IGFL3: variants seen among roughly 807,000 people sequenced by gnomAD.
IGFL3 encodes insulin growth factor-like family member 3.
A neutral mutation model predicts 17.0 loss-of-function variants in IGFL3; 12 were observed. The ratio of observed to expected loss-of-function variants is 0.71; its 90% confidence interval spans 0.45 to 1.14. IGFL3 has a LOEUF of 1.14. IGFL3 is among the 50% of genes most tolerant of loss of function. The pLI is 0.00. For synonymous variants in IGFL3, 52 were observed against 57.4 expected (o/e 0.91, Z 0.42); for missense variants, 153 against 151.6 (o/e 1.01, Z -0.05).
rs552018028 is a variant in IGFL3, at chr19:46,124,378, AAAAC to A, written c.26-61_26-58del. The A allele has an allele frequency of 3.6e-4, 549 of 1,524,648 alleles. 9 individuals are homozygous for A. Among genetic ancestry groups the A allele is most frequent in the Middle Eastern group, 8.5e-4 (5 of 5,854 alleles). 94.4% of individuals were successfully genotyped at this position (1,524,648 alleles called of 1,614,324 possible). The stretch of plus-strand genomic sequence containing the variant: ...AGCTGAGAATGTGACAAGTATGGAA[AAAAC>A]AAACAAACAAACAAACAGAGGTTAG... On this transcript the variant is annotated intron_variant, in intron 1 of 3. Transcript: ENST00000341415.
In IGFL3 at chr19:46,120,345, G is replaced by A. The variant is rs760606882; in HGVS notation, c.363C>T (p.His121=). Residue 121 remains histidine (H), a synonymous_variant, in exon 4 of 4, where the codon CAC becomes CAT. Coordinates refer to ENST00000341415, the MANE Select transcript of IGFL3 (RefSeq NM_207393.2). ...ISRSCTRNRR[H]VLYP is the part of the protein sequence containing the mutation. ...CCTGGGGTTTTTATGGGTACAGGAC[G>A]TGCCTCCTGTTCCTATCACAGTGCC... The A allele has an allele frequency of 1.8e-5, 29 of 1,611,026 alleles. No individual in the cohort carries two copies. The highest frequency in any genetic ancestry group is 2.3e-5 in the East Asian group (1 of 44,408).
At chr19:46,121,273 A>G (rs1316225292) in intron 3 of IGFL3, among the ~76,000 whole-genome samples, 1 of 149,916 alleles carries the variant, frequency 6.7e-6, no homozygotes, top group East Asian at 2.0e-4. Context: ...ATGTAGTCCC[A>G]GCTACTCAGG....
At chr19:46,120,432 T>C (rs946643402) in intron 3 of IGFL3, 75 bp from the exon 4 acceptor site, 1 of 1,596,126 alleles carries the variant, frequency 6.3e-7, no homozygotes, top group African/African-American at 1.4e-5. Context: ...ACAAAAGCAA[T>C]TTTAACAAAC....
chr19:46,122,426 A>G (rs1324222023), intron 3 of IGFL3, among the ~76,000 whole-genome samples: 1 of 151,152 alleles, frequency 6.6e-6, no homozygotes, highest in Non-Finnish European at 1.5e-5. Flanking sequence ...TGGAACAAAT[A>G]GGTGAAGTCA....
chr19:46,123,987 A>G lies in IGFL3; in HGVS notation c.249T>C (p.Cys83=). ...TCTGCTGGGGGCCAAAAGACTCGGG[A>G]CAGCAGAGCTCAAAGCAGGGCCAGA... is the stretch of plus-strand genomic sequence containing the variant. The part of the protein sequence containing the change: ...CTFWPCFELC[C]PESFGPQQKF... The change falls in exon 3 of 4, where the codon TGT becomes TGC. Residue 83 remains cysteine, a synonymous_variant. Coordinates refer to ENST00000341415, the MANE Select transcript of IGFL3 (RefSeq NM_207393.2). 6.2e-7 allele frequency: 1 copy of G among 1,611,590 alleles called. No individual in the cohort carries two copies. Among genetic ancestry groups the G allele is most frequent in the Non-Finnish European group, 8.5e-7 (1 of 1,179,680 alleles).
chr19:46,122,576 T>C (rs1971835817), intron 3 of IGFL3, among the ~76,000 whole-genome samples: 1 of 151,118 alleles, frequency 6.6e-6, no homozygotes, highest in African/African-American at 2.5e-5. Context: ...TGGTAAAGTT[T>C]ACTGCCTGAA....
chr19:46,124,036 C>T lies in IGFL3; in HGVS notation c.200G>A (p.Arg67His), dbSNP rs759215266. 8.7e-6 allele frequency: 14 copies of T among 1,611,306 alleles called. No homozygotes were observed. The highest frequency in any genetic ancestry group is 6.8e-5 in the East Asian group (3 of 44,422). The change falls in exon 3 of 4, where the codon CGC becomes CAC. Residue 67 changes from arginine (R) to histidine (H), a missense_variant. By Grantham distance (29) the Arg-to-His change is conservative. Coordinates refer to ENST00000341415, the MANE Select transcript of IGFL3 (RefSeq NM_207393.2). ...DDAILSLKET[R>H]RCGSTCTFWP... ...GAAGGTGCAGGTGGAGCCACAGCGG[C>T]GGGTCTCCTTTAAGGATAAGATGGC...
intron 3 of IGFL3, among the ~76,000 whole-genome samples, chr19:46,122,166 C>T (rs1971810416): frequency 6.6e-6 from 1 of 150,856 alleles, no homozygotes; most frequent in Non-Finnish European, 1.5e-5. Flanking sequence ...AGTGTACATC[C>T]ACTTCCATTG....
rs1971932014 is a variant in IGFL3 at position 46,123,923 on chromosome 19, G to A, written c.313C>T (p.Gln105Ter). ...VKLRVLGMKS[Q>*]CHLSPISRSC... ...CGGGAGATGGGAGATAAGTGACACT[G>A]AGACTTCATACCCAGAACCCTCAAC... The change falls in exon 3 of 4, where the codon CAG becomes TAG. Residue 105 changes from glutamine to a stop codon, truncating the protein, a stop_gained. Coordinates refer to ENST00000341415, the MANE Select transcript of IGFL3 (RefSeq NM_207393.2). LOFTEE classifies it low-confidence loss of function (END_TRUNC). 1 of 1,611,214 alleles carries A rather than the reference G, an allele frequency of 6.2e-7. No homozygotes were observed. The highest frequency in any genetic ancestry group is 1.1e-5 in the South Asian group (1 of 90,878).
Position 46,120,261 on chromosome 19 carries a change from AGTCTCCGAT to A in IGFL3, c.*60_*68del. 1.2e-6 allele frequency: 2 copies of A among 1,603,116 alleles called. No homozygotes were observed. Among genetic ancestry groups the A allele is most frequent in the Middle Eastern group, 1.8e-4 (1 of 5,590 alleles). Reference sequence around the variant, plus strand: ...TTGCTTCTCTCCGAAGTTCAACTGTAGTCTCCGATGTCCAGCTGCTTCGTCTCTTCTCCC... The same window carrying A: ...TTGCTTCTCTCCGAAGTTCAACTGTAGTCCAGCTGCTTCGTCTCTTCTCCC... On this transcript the variant is annotated 3_prime_UTR_variant, in exon 4 of 4. Coordinates refer to ENST00000341415, the MANE Select transcript of IGFL3 (RefSeq NM_207393.2).
chr19:46,124,655 C>G lies in IGFL3; in HGVS notation c.-6G>C. 6.2e-7 allele frequency: 1 copy of G among 1,607,838 alleles called. No homozygotes were observed. Among genetic ancestry groups the G allele is most frequent in the Non-Finnish European group, 8.5e-7 (1 of 1,176,740 alleles). ...ATGCAGCATCGTGGCCTCATGCTTC[C>G]AAAGATGCTCTAGGAGAATTGAAGA... On this transcript the variant is annotated 5_prime_UTR_variant, in exon 1 of 4. Transcript: ENST00000341415.
Position 46,121,653 on chromosome 19 carries a change from G to A in IGFL3, c.351-1296C>T, listed in dbSNP as rs184905824. 9.9e-4 allele frequency among the ~76,000 whole-genome samples: 150 copies of A among 151,004 alleles called. 2 individuals carry two copies. Among genetic ancestry groups the A allele is most frequent in the Non-Finnish European group, 7.5e-4 (51 of 67,948 alleles). On this transcript the variant is annotated intron_variant, in intron 3 of 3. Coordinates refer to ENST00000341415, the MANE Select transcript of IGFL3 (RefSeq NM_207393.2). ...GACGACTATCTGAGGTTAGTGTCAC[G>A]TGAGTAGTAAAAAGAATTCACCAAG...
In IGFL3 at chr19:46,124,077, C is replaced by G. The variant is rs747109489; in HGVS notation, c.159G>C (p.Gln53His). ...CGNKIYNPSEQCCYDDAILSL... is the reference protein window; with the variant it reads ...CGNKIYNPSEHCCYDDAILSL... Reference sequence around the variant, plus strand: ...ATAAGATGGCATCATCATAACAGCACTGCTCTGAAGGGTTGTAGATCTTGT... The same window carrying G: ...ATAAGATGGCATCATCATAACAGCAGTGCTCTGAAGGGTTGTAGATCTTGT... The change falls in exon 3 of 4, where the codon CAG (glutamine) becomes CAC (histidine). Residue 53 changes from glutamine to histidine, a missense_variant. Physicochemically the swap from Gln to His is conservative, Grantham distance 24 (BLOSUM62 0). Coordinates refer to ENST00000341415, the MANE Select transcript of IGFL3 (RefSeq NM_207393.2). 13 of 1,611,636 alleles carry G rather than the reference C, an allele frequency of 8.1e-6. No homozygotes were observed. In the South Asian group the frequency reaches 1.1e-4, roughly 14 times the overall value.
intron 3 of IGFL3, among the ~76,000 whole-genome samples, chr19:46,121,828 T>C (rs1328995663): frequency 6.6e-6 from 1 of 151,024 alleles, no homozygotes; most frequent in Non-Finnish European, 1.5e-5. Context: ...CTGGGGATTT[T>C]ATAGGTTGGT....
At chr19:46,121,078 C>T (rs1229407853) in intron 3 of IGFL3, among the ~76,000 whole-genome samples, 1 of 150,250 alleles carries the variant, frequency 6.7e-6, no homozygotes, top group Non-Finnish European at 1.5e-5. Context: ...TTTTTCAGCG[C>T]TTAGAAAGTT....
At chr19:46,123,515 A>C (rs73940395) in intron 3 of IGFL3, among the ~76,000 whole-genome samples, 1 of 150,836 alleles carries the variant, frequency 6.6e-6, no homozygotes, top group South Asian at 2.1e-4. Context: ...CTGCATATAC[A>C]TATACTGTAT....
At position 46,123,971 on chromosome 19, in the gene IGFL3, G is replaced by T; in HGVS notation, c.265C>A (p.Pro89Thr). Residue 89 changes from proline to threonine, a missense_variant, in exon 3 of 4, where the codon CCC (proline) becomes ACC (threonine). By Grantham distance (38) the Pro-to-Thr change is conservative (BLOSUM62 -1). Coordinates refer to ENST00000341415, the MANE Select transcript of IGFL3 (RefSeq NM_207393.2). The part of the protein sequence containing the change: ...FELCCPESFG[P>T]QQKFLVKLRV... ...AACTTCACAAGAAACTTCTGCTGGGGGCCAAAAGACTCGGGACAGCAGAGC... is the reference window on the plus strand; with the variant it reads ...AACTTCACAAGAAACTTCTGCTGGGTGCCAAAAGACTCGGGACAGCAGAGC... 1 of 1,611,510 alleles carries T rather than the reference G, an allele frequency of 6.2e-7. No individual in the cohort carries two copies. The highest frequency in any genetic ancestry group is 8.5e-7 in the Non-Finnish European group (1 of 1,179,638).
intron 3 of IGFL3, among the ~76,000 whole-genome samples, chr19:46,122,974 A>G (rs1971858970): frequency 6.6e-6 from 1 of 150,906 alleles, no homozygotes; most frequent in South Asian, 2.1e-4. Flanking sequence ...CCAGGGTAAA[A>G]AAAATGACAT....
At chr19:46,124,234 C>T (rs1971959579) in intron 2 of IGFL3, 34 bp downstream of exon 2, 3 of 1,609,088 alleles carry the variant, frequency 1.9e-6, no homozygotes, top group African/African-American at 2.7e-5. Context: ...AACACCACCT[C>T]TTCCCTCCTC....
Sources: gnomAD v4.1 joint callset for allele counts (sites outside exome capture counted in the v4.1 genomes callset) on GRCh38, gnomAD v4.1.1 for gene constraint, MANE v1.5 for transcripts, NCBI Gene and HGNC (gene_info 2026-07-23, HGNC 2026-07-21) for gene names.